Variants in LRP1B observed in about 807,000 individuals in gnomAD.
The protein encoded by LRP1B is low-density lipoprotein receptor-related protein 1B.
LRP1B carries 217 observed loss-of-function variants against 556.6 expected under a neutral mutation model. The observed-to-expected ratio is 0.39, with a 90% CI of 0.35 to 0.44. The LOEUF (loss-of-function observed/expected upper bound fraction) is 0.44, where lower values mean the gene tolerates loss of function less well. LRP1B is among the 20% of genes least tolerant of loss of function. LRP1B has a pLI of 1.00. For missense variants in LRP1B, 5,053 were observed against 5,620.8 expected (o/e 0.90, Z 3.23); for synonymous variants, 2,047 against 1,865.8 (o/e 1.10, Z -2.50).
At chr2:141,550,494 TAG>T (rs1685712288) in intron 2 of LRP1B, among the ~76,000 whole-genome samples, 1 of 152,156 alleles carries the variant, frequency 6.6e-6, no homozygotes, top group African/African-American at 2.4e-5. Context: ...CAATAACTTA[TAG>T]AGAGTGCTTC....
At position 141,836,162 on chromosome 2, in the gene LRP1B, T is replaced by C. The variant is rs545575653; in HGVS notation, c.83-25761A>G. Among the ~76,000 whole-genome samples the C allele has an allele frequency of 1.1e-3, 162 of 152,060 alleles. 1 individual carries two copies. The highest frequency in any genetic ancestry group is 3.7e-3 in the African/African-American group (152 of 41,550). The stretch of plus-strand genomic sequence containing the variant: ...TTTACCTGTTTGGGAAATTAGAATG[T>C]CTTAAAACTGATGGCAACTTCAATT... On this transcript the variant is annotated intron_variant, in intron 1 of 90. Coordinates refer to ENST00000389484, the MANE Select transcript of LRP1B (RefSeq NM_018557.3).
At chr2:141,755,716 C>T (rs1042095929) in intron 2 of LRP1B, among the ~76,000 whole-genome samples, 6 of 151,956 alleles carry the variant, frequency 3.9e-5, no homozygotes, top group African/African-American at 1.4e-4. Context: ...AGAATGTTAA[C>T]TTCAGAACTT....
intron 66 of LRP1B, among the ~76,000 whole-genome samples, chr2:140,394,579 A>T (rs1291818490): frequency 6.6e-6 from 1 of 151,994 alleles, no homozygotes; most frequent in Non-Finnish European, 1.5e-5. Context: ...CCCTTGAACC[A>T]TTTTCTTGGA....
chr2:140,579,236 T>C (rs1447463133), intron 43 of LRP1B, among the ~76,000 whole-genome samples: 1 of 152,188 alleles, frequency 6.6e-6, no homozygotes, highest in East Asian at 1.9e-4. Flanking sequence ...TGAAGAAAGA[T>C]AGAGAACATT....
intron 7 of LRP1B, among the ~76,000 whole-genome samples, chr2:141,139,357 C>T (rs979113050): frequency 4.6e-5 from 7 of 151,758 alleles, no homozygotes; most frequent in African/African-American, 1.7e-4. Context: ...TGATAAACTT[C>T]ATCAAATATT....
chr2:141,060,561 G>A lies in LRP1B; in HGVS notation c.1236+1490C>T, dbSNP rs72981090. Among the ~76,000 whole-genome samples the A allele has an allele frequency of 4.5e-3, 687 of 151,786 alleles. 2 individuals carry two copies. Among genetic ancestry groups the A allele is most frequent in the African/African-American group, 0.016 (652 of 41,468 alleles). ...CGTGCATGTTTTGCTCAAAGTTTGG[G>A]GCCATCAACCAAGGAACCTGTGGTG... On this transcript the variant is annotated intron_variant, in intron 8 of 90. Coordinates refer to ENST00000389484, the MANE Select transcript of LRP1B (RefSeq NM_018557.3).
At chr2:141,501,563 G>A (rs62167878) in intron 2 of LRP1B, among the ~76,000 whole-genome samples, 8,475 of 152,136 alleles carry the variant, frequency 0.056, 273 homozygotes, top group Non-Finnish European at 0.066. Context: ...GAGGAGGGAA[G>A]TTACAACATT....
chr2:141,020,157 A>C, intron 11 of LRP1B, 55 bp from the exon 12 acceptor site: 1 of 1,177,170 alleles, frequency 8.5e-7, no homozygotes, highest in Non-Finnish European at 1.2e-6. Flanking sequence ...TAGTAAAATT[A>C]GTGTTCACTA....
At chr2:141,512,558 C>T (rs887057866) in intron 2 of LRP1B, among the ~76,000 whole-genome samples, 4 of 152,162 alleles carry the variant, frequency 2.6e-5, no homozygotes, top group African/African-American at 9.6e-5. Flanking sequence ...TCCTGAATGA[C>T]TTCATGGAGC....
At chr2:140,827,336 G>A (rs886091322) in intron 31 of LRP1B, among the ~76,000 whole-genome samples, 2 of 151,902 alleles carry the variant, frequency 1.3e-5, no homozygotes, top group African/African-American at 4.8e-5. Flanking sequence ...AATTCAAAAT[G>A]GTAGTTCTGA....
intron 66 of LRP1B, among the ~76,000 whole-genome samples, chr2:140,394,945 A>T (rs566896878): frequency 6.6e-6 from 1 of 152,280 alleles, no homozygotes; most frequent in South Asian, 2.1e-4. Context: ...TTATAAATGG[A>T]GAAAAAAATG....
chr2:142,053,238 A>G (rs1425919241), intron 1 of LRP1B, among the ~76,000 whole-genome samples: 1 of 152,184 alleles, frequency 6.6e-6, no homozygotes, highest in Non-Finnish European at 1.5e-5. Context: ...AATATAGAAA[A>G]TAGTTAAATT....
intron 1 of LRP1B, among the ~76,000 whole-genome samples, chr2:142,070,935 T>C (rs552719496): frequency 4.4e-4 from 67 of 152,082 alleles, no homozygotes; most frequent in African/African-American, 1.6e-3. Context: ...CATACACTCA[T>C]GTCTTGTCAT....
chr2:140,339,837 G>A (rs562688198), intron 77 of LRP1B, among the ~76,000 whole-genome samples: 42 of 146,704 alleles, frequency 2.9e-4, no homozygotes, highest in East Asian at 2.2e-3. Flanking sequence ...GAATGTGTAC[G>A]CGATTAAAAA....
intron 7 of LRP1B, among the ~76,000 whole-genome samples, chr2:141,133,149 GCAC>G (rs1701401827): frequency 6.6e-6 from 1 of 151,916 alleles, no homozygotes; most frequent in African/African-American, 2.4e-5. Flanking sequence ...AAGTCAGTTA[GCAC>G]CACAGGAAAA....
chr2:141,056,635 C>T (rs1699185377), intron 9 of LRP1B, among the ~76,000 whole-genome samples: 1 of 151,752 alleles, frequency 6.6e-6, no homozygotes, highest in East Asian at 2.0e-4. Context: ...TTGGTTTTTC[C>T]TATTCTTTTC....
chr2:141,795,899 T>TATATATATATATATA (rs1247641787), intron 2 of LRP1B, among the ~76,000 whole-genome samples: 1 of 77,022 alleles, frequency 1.3e-5, no homozygotes, highest in Non-Finnish European at 2.7e-5. Flanking sequence ...TATATATATA[T>TATATATATATATATA]AATCTTTAAG....
intron 85 of LRP1B, among the ~76,000 whole-genome samples, chr2:140,272,223 CTTT>C (rs1240878260): frequency 1.3e-5 from 2 of 149,164 alleles, no homozygotes; most frequent in East Asian, 2.0e-4. Context: ...TCATAATTTT[CTTT>C]TTTAGAGGCA....
intron 86 of LRP1B, among the ~76,000 whole-genome samples, chr2:140,264,774 AGTTT>A (rs1558756406): frequency 6.6e-6 from 1 of 151,266 alleles, no homozygotes; most frequent in South Asian, 2.1e-4. Flanking sequence ...TAATTTATTT[AGTTT>A]GAGATGTTAA....
Sources: gnomAD v4.1 joint callset for allele counts (sites outside exome capture counted in the v4.1 genomes callset) on GRCh38, gnomAD v4.1.1 for gene constraint, MANE v1.5 for transcripts, NCBI Gene and HGNC (gene_info 2026-07-23, HGNC 2026-07-21) for gene names.